WWOX: variants seen among roughly 807,000 people sequenced by gnomAD.
The protein encoded by WWOX is WW domain-containing oxidoreductase.
In WWOX, 69 loss-of-function variants were observed where a neutral mutation model predicts 46.2. The observed-to-expected ratio is 1.49, with a 90% CI of 1.23 to 1.82. WWOX has a LOEUF of 1.82. Ranked by LOEUF, WWOX falls within the 40% of genes most tolerant of loss-of-function variation. The pLI is 0.00. For synonymous variants in WWOX, 359 were observed against 202.6 expected (o/e 1.77, Z -6.56); for missense variants, 919 against 542.6 (o/e 1.69, Z -6.89).
At chr16:78,757,095 C>T in intron 8 of WWOX, 1 of 695,442 alleles carries the variant, frequency 1.4e-6, no homozygotes, top group East Asian at 2.7e-5. Context: ...GCAATCTTGA[C>T]TGGAACTTTA....
chr16:79,015,027 C>T (rs574592599), intron 8 of WWOX, among the ~76,000 whole-genome samples: 13 of 152,278 alleles, frequency 8.5e-5, no homozygotes, highest in Admixed American at 2.0e-4. Flanking sequence ...CCAAGGACTA[C>T]GTGTGACATG....
intron 8 of WWOX, among the ~76,000 whole-genome samples, chr16:79,155,323 C>T (rs1418728749): frequency 6.6e-6 from 1 of 152,242 alleles, no homozygotes; most frequent in South Asian, 2.1e-4. Flanking sequence ...TTGCAGTGAG[C>T]TGAGATCACG....
chr16:79,080,012 A>G (rs7205541), intron 8 of WWOX, among the ~76,000 whole-genome samples: 85,461 of 151,990 alleles, frequency 0.56, 24,457 homozygotes, highest in Middle Eastern at 0.67. Flanking sequence ...TTCTTACGAT[A>G]CCACGCACTG....
chr16:78,685,898 AAAC>A (rs980190649), intron 8 of WWOX, among the ~76,000 whole-genome samples: 15 of 121,944 alleles, frequency 1.2e-4, no homozygotes, highest in East Asian at 2.6e-4. Flanking sequence ...AGAGGAAAAA[AAAC>A]AAAAAAGAAA....
intron 8 of WWOX, among the ~76,000 whole-genome samples, chr16:78,557,410 A>T (rs2044324939): frequency 6.6e-6 from 1 of 152,184 alleles, no homozygotes; most frequent in South Asian, 2.1e-4. Flanking sequence ...TTCATTCAGC[A>T]GATGTTAGCA....
At chr16:78,251,737 T>C (rs1292474080) in intron 5 of WWOX, among the ~76,000 whole-genome samples, 2 of 152,218 alleles carry the variant, frequency 1.3e-5, no homozygotes, top group Admixed American at 6.5e-5. Context: ...CTGATTGGCA[T>C]AGTACAGATG....
At chr16:78,916,597 G>C (rs1165953059) in intron 8 of WWOX, among the ~76,000 whole-genome samples, 1 of 152,186 alleles carries the variant, frequency 6.6e-6, no homozygotes, top group Non-Finnish European at 1.5e-5. Context: ...ATTATACCAA[G>C]ACAACAGACA....
intron 8 of WWOX, among the ~76,000 whole-genome samples, chr16:78,999,893 AATG>A (rs1475126018): frequency 6.6e-6 from 1 of 152,342 alleles, no homozygotes; most frequent in African/African-American, 2.4e-5. Flanking sequence ...GAGTTACTGT[AATG>A]ATTATAAAAT....
intron 8 of WWOX, among the ~76,000 whole-genome samples, chr16:78,960,095 A>G (rs554295889): frequency 1.8e-4 from 27 of 152,290 alleles, no homozygotes; most frequent in African/African-American, 6.3e-4. Flanking sequence ...GTCATTGTCA[A>G]AGAGTGAGGG....
intron 8 of WWOX, among the ~76,000 whole-genome samples, chr16:78,537,697 G>T (rs909916859): frequency 6.6e-6 from 1 of 152,160 alleles, no homozygotes; most frequent in Admixed American, 6.5e-5. Context: ...CAGGGTCCCA[G>T]CTGCCACAGT....
intron 8 of WWOX, among the ~76,000 whole-genome samples, chr16:78,703,982 C>T (rs1266862803): frequency 6.6e-6 from 1 of 152,140 alleles, no homozygotes; most frequent in Non-Finnish European, 1.5e-5. Flanking sequence ...TCTCAGTGCA[C>T]AATTCAGTGG....
chr16:78,934,127 A>C (rs1465103282), intron 8 of WWOX, among the ~76,000 whole-genome samples: 1 of 151,946 alleles, frequency 6.6e-6, no homozygotes, highest in Non-Finnish European at 1.5e-5. Flanking sequence ...CAAGGTCAGG[A>C]GATGGAGACC....
At chr16:78,891,898 G>C (rs1014266873) in intron 8 of WWOX, 2 of 152,186 alleles carry the variant, frequency 1.3e-5, no homozygotes, top group Non-Finnish European at 2.9e-5. Context: ...AAGGAGCAGA[G>C]TTGGTTTTCC....
Position 78,650,806 on chromosome 16 carries a change from G to A in WWOX, c.1056+218054G>A, listed in dbSNP as rs575490018. On this transcript the variant is annotated intron_variant, in intron 8 of 8. Coordinates refer to ENST00000566780, the MANE Select transcript of WWOX (RefSeq NM_016373.4). ...CCACAAATCTCAGCTGGCCTGCAAA[G>A]GTTCCACTGTGGATTTTTGCCAGCC... is the stretch of plus-strand genomic sequence containing the variant. Among the ~76,000 whole-genome samples, 408 of 152,280 alleles carry A rather than the reference G, an allele frequency of 2.7e-3. 4 individuals carry two copies. The highest frequency in any genetic ancestry group is 9.2e-3 in the African/African-American group (384 of 41,558).
chr16:78,984,852 G>A (rs893848615), intron 8 of WWOX, among the ~76,000 whole-genome samples: 2 of 152,178 alleles, frequency 1.3e-5, no homozygotes, highest in Admixed American at 6.5e-5. Flanking sequence ...AGAAAGACGA[G>A]GAAGAAGGGT....
rs78271863 is a variant in WWOX at position 78,701,702 on chromosome 16, A to T, written c.1056+268950A>T. 5.3e-3 allele frequency among the ~76,000 whole-genome samples: 814 copies of T among 152,170 alleles called. 10 individuals carry two copies. Among genetic ancestry groups the T allele is most frequent in the African/African-American group, 0.018 (754 of 41,518 alleles). ...CTCGAAGGGAGCATGCAAAGGTGCC[A>T]GGCAGGCCCTCAAAGCTGGGAAGCT... On this transcript the variant is annotated intron_variant, in intron 8 of 8. Transcript: ENST00000566780.
intron 5 of WWOX, among the ~76,000 whole-genome samples, chr16:78,335,435 T>C (rs2080866845): frequency 6.6e-6 from 1 of 152,198 alleles, no homozygotes; most frequent in African/African-American, 2.4e-5. Flanking sequence ...GCTCCATCCA[T>C]GTCCCTGCAG....
chr16:78,792,313 C>G (rs1273260274), intron 8 of WWOX, among the ~76,000 whole-genome samples: 1 of 152,270 alleles, frequency 6.6e-6, no homozygotes, highest in Admixed American at 6.5e-5. Context: ...CCAGCCCCAC[C>G]TTGGATCTCT....
intron 8 of WWOX, among the ~76,000 whole-genome samples, chr16:78,640,416 G>C (rs1023855211): frequency 2.6e-5 from 4 of 151,980 alleles, no homozygotes; most frequent in Middle Eastern, 3.2e-3. Context: ...AAGGGCACAG[G>C]GGCAAGGTAT....
Sources: gnomAD v4.1 joint callset for allele counts (sites outside exome capture counted in the v4.1 genomes callset) on GRCh38, gnomAD v4.1.1 for gene constraint, MANE v1.5 for transcripts, NCBI Gene and HGNC (gene_info 2026-07-23, HGNC 2026-07-21) for gene names.